Variants in THOC1 observed in about 807,000 individuals in gnomAD.
THOC1 encodes THO complex 1.
A neutral mutation model predicts 97.3 loss-of-function variants in THOC1; 29 were observed. That is an observed-to-expected ratio of 0.30 (90% confidence interval 0.22 to 0.41). The LOEUF (loss-of-function observed/expected upper bound fraction) is 0.41, where lower values mean the gene tolerates loss of function less well. Among genes scored for constraint, THOC1 ranks in the 10% least tolerant of loss-of-function variants. The probability of loss-of-function intolerance (pLI) is 1.00; values close to 1 mark genes in which losing one functional copy is unlikely to be tolerated. For synonymous variants in THOC1, 255 were observed against 257.0 expected (o/e 0.99, Z 0.07); for missense variants, 529 against 761.9 (o/e 0.69, Z 3.60).
chr18:267,831 C>A, intron 1 of THOC1, 135 bp downstream of exon 1: 1 of 920,682 alleles, frequency 1.1e-6, no homozygotes, highest in East Asian at 3.1e-5. Context: ...CAACCTCCGA[C>A]GGGGCCCGGA....
chr18:249,599 T>G (rs1912211779), intron 9 of THOC1, among the ~76,000 whole-genome samples: 1 of 151,452 alleles, frequency 6.6e-6, no homozygotes, highest in Admixed American at 6.6e-5. Flanking sequence ...GAGGCAGAGC[T>G]TGCAGTGAGC....
intron 11 of THOC1, among the ~76,000 whole-genome samples, chr18:233,441 C>G (rs925325212): frequency 1.3e-5 from 2 of 152,072 alleles, no homozygotes; most frequent in African/African-American, 4.8e-5. Context: ...ATAAAATTAC[C>G]CGGGCATGGT....
intron 11 of THOC1, 181 bp downstream of exon 11, chr18:246,143 A>G (rs908403510): frequency 2.4e-5 from 12 of 509,278 alleles, no homozygotes; most frequent in Non-Finnish European, 3.7e-5. Context: ...CTTTGAAACC[A>G]AATTAGTCCT....
chr18:216,871 T>C (rs769661283), intron 18 of THOC1, among the ~76,000 whole-genome samples: 4 of 151,942 alleles, frequency 2.6e-5, no homozygotes, highest in South Asian at 2.1e-4. Flanking sequence ...CAGGCTCATA[T>C]GCAGCAAACA....
At chr18:249,422 T>A (rs1054153967) in intron 9 of THOC1, among the ~76,000 whole-genome samples, 11 of 152,102 alleles carry the variant, frequency 7.2e-5, no homozygotes, top group African/African-American at 2.7e-4. Context: ...ATCCCAACAC[T>A]TTGGGAGGCT....
At chr18:224,654 A>G (rs1268222178) in intron 15 of THOC1, among the ~76,000 whole-genome samples, 1 of 152,108 alleles carries the variant, frequency 6.6e-6, no homozygotes, top group Non-Finnish European at 1.5e-5. Context: ...GCCACATTAT[A>G]TGGCAAATTA....
intron 11 of THOC1, among the ~76,000 whole-genome samples, chr18:235,415 T>C (rs1911645763): frequency 6.6e-6 from 1 of 152,152 alleles, no homozygotes; most frequent in South Asian, 2.1e-4. Flanking sequence ...ACTTCTTGAG[T>C]TGAACGCTCA....
At chr18:236,164 A>G (rs377281457) in intron 11 of THOC1, among the ~76,000 whole-genome samples, 7 of 152,116 alleles carry the variant, frequency 4.6e-5, no homozygotes, top group Non-Finnish European at 1.0e-4. Flanking sequence ...TAATATTTCA[A>G]TCATGAGTTT....
intron 17 of THOC1, 29 bp downstream of exon 17, chr18:223,411 A>G: frequency 1.3e-6 from 2 of 1,530,082 alleles, no homozygotes; most frequent in Non-Finnish European, 1.8e-6. Flanking sequence ...GACAAAAGCA[A>G]CACTTCATTT....
At chr18:218,652 T>G (rs868850901) in intron 18 of THOC1, among the ~76,000 whole-genome samples, 2 of 148,016 alleles carry the variant, frequency 1.4e-5, no homozygotes, top group South Asian at 4.3e-4. Context: ...TCAGGGGGAG[T>G]TTTTTTTTTC....
chr18:248,033 T>C, intron 9 of THOC1, 76 bp from the exon 10 acceptor site: 1 of 1,003,078 alleles, frequency 1.0e-6, no homozygotes, highest in Non-Finnish European at 1.4e-6. Flanking sequence ...AACTTAGCTT[T>C]GGTCACAAAC....
intron 6 of THOC1, 103 bp downstream of exon 6, chr18:259,579 T>A: frequency 1.1e-6 from 1 of 883,698 alleles, no homozygotes. Context: ...TGCAGATACC[T>A]AATCTATCTT....
At chr18:236,854 A>G (rs1911720527) in intron 11 of THOC1, among the ~76,000 whole-genome samples, 1 of 152,110 alleles carries the variant, frequency 6.6e-6, no homozygotes, top group Non-Finnish European at 1.5e-5. Flanking sequence ...GAGTTAGTTC[A>G]GAATGTTTTC....
intron 4 of THOC1, among the ~76,000 whole-genome samples, chr18:263,230 G>A (rs181596226): frequency 3.5e-4 from 53 of 152,112 alleles, no homozygotes; most frequent in Non-Finnish European, 5.1e-4. Flanking sequence ...ACAGGCGCCC[G>A]ACACCGCGCC....
Position 216,214 on chromosome 18 carries a change from A to G in THOC1, c.1602+272T>C, listed in dbSNP as rs1272547547. The G allele has an allele frequency of 1.7e-5, 5 of 296,392 alleles. No homozygotes were observed. In the Admixed American group the frequency reaches 2.3e-4, roughly 14 times the overall value. 18.4% of individuals were successfully genotyped at this position (296,392 alleles called of 1,614,324 possible). A position where few individuals can be genotyped will look rare whatever the true frequency, so the allele number is the denominator to read the frequency against. On this transcript the variant is annotated intron_variant, in intron 19 of 20. Coordinates refer to ENST00000261600, the MANE Select transcript of THOC1 (RefSeq NM_005131.3). ...TGATCCACCCGCCTCGGCCTCCCAA[A>G]GTGCTGGGATTACAGTCGTGAGCCA...
intron 12 of THOC1, chr18:225,742 C>T (rs1911259640): frequency 5.1e-6 from 1 of 195,964 alleles, no homozygotes; most frequent in African/African-American, 2.3e-5. Context: ...ATACATGATG[C>T]ACATTCAGTA....
Position 216,552 on chromosome 18 carries a change from G to A in THOC1, c.1536C>T (p.Asn512=), listed in dbSNP as rs769645270. The stretch of plus-strand genomic sequence containing the variant: ...ATTCTGGTAAACTTTTAAACTGCTG[G>A]TTGGTTGGCTGGAAGAAGTGAGGGC... ...RRSPHFFQPT[N]QQFKSLPEYL... Residue 512 remains asparagine (N), a synonymous_variant, in exon 19 of 21, where the codon AAC becomes AAT. Coordinates refer to ENST00000261600, the MANE Select transcript of THOC1 (RefSeq NM_005131.3). 6.6e-5 allele frequency: 106 copies of A among 1,613,936 alleles called. 1 individual carries two copies. The Middle Eastern group carries it at 5.4e-3, about 83-fold the overall frequency.
At chr18:235,718 C>G (rs1352065999) in intron 11 of THOC1, among the ~76,000 whole-genome samples, 2 of 152,058 alleles carry the variant, frequency 1.3e-5, no homozygotes, top group African/African-American at 4.8e-5. Context: ...AGAATGTGTT[C>G]TTCGTGTATA....
At chr18:223,112 C>A (rs1211606945) in intron 17 of THOC1, among the ~76,000 whole-genome samples, 1 of 152,120 alleles carries the variant, frequency 6.6e-6, no homozygotes, top group Non-Finnish European at 1.5e-5. Context: ...GTTCAACGAA[C>A]TTTTGTGACT....
Sources: gnomAD v4.1 joint callset for allele counts (sites outside exome capture counted in the v4.1 genomes callset) on GRCh38, gnomAD v4.1.1 for gene constraint, MANE v1.5 for transcripts, NCBI Gene and HGNC (gene_info 2026-07-23, HGNC 2026-07-21) for gene names.